The following TRMO variants were observed in gnomAD, a reference collection of about 807,000 sequenced individuals.
TRMO encodes tRNA (adenine(37)-N6)-methyltransferase.
A neutral mutation model predicts 37.2 loss-of-function variants in TRMO; 30 were observed. The ratio of observed to expected loss-of-function variants is 0.81; its 90% CI spans 0.60 to 1.09. The LOEUF (loss-of-function observed/expected upper bound fraction) is 1.09, where lower values mean the gene tolerates loss of function less well. Ranked by LOEUF, TRMO falls within the 50% of genes least tolerant of loss-of-function variation. TRMO has a pLI of 0.00. For missense variants in TRMO, 552 were observed against 549.5 expected, an observed-to-expected ratio of 1.00 and a Z score of -0.05; for synonymous variants, 239 against 199.4, an observed-to-expected ratio of 1.20 and a Z score of -1.67.
chr9:97,919,967 T>C (rs192578388), intron 1 of TRMO, among the ~76,000 whole-genome samples: 1 of 152,322 alleles, frequency 6.6e-6, no homozygotes, highest in Non-Finnish European at 1.5e-5. Flanking sequence ...TCCTAGTACG[T>C]CTGAACTCTT....
At chr9:97,913,634 GA>G (rs1212351011) in intron 2 of TRMO, 76 bp from the exon 3 acceptor site, 9 of 961,976 alleles carry the variant, frequency 9.4e-6, no homozygotes, top group African/African-American at 3.3e-5. Context: ...ATCTGATGGG[GA>G]AAAAAATGCA....
rs112551314 is a variant in TRMO, at chr9:97,916,472, T to C, written c.77-134A>G. On this transcript the variant is annotated intron_variant, in intron 1 of 4. Transcript: ENST00000375119. ...CGTGCAACTATAAAAATGATTTTTA[T>C]AGTATTCATGAATACGTATAAGTAT... The C allele has an allele frequency of 2.0e-3, 1,278 of 635,098 alleles. 8 individuals carry two copies. In the African/African-American group the frequency reaches 0.022, roughly 11 times the overall value. 39.3% of individuals were successfully genotyped at this position (635,098 alleles called of 1,614,324 possible). A position where few individuals can be genotyped will look rare whatever the true frequency, so the allele number is the denominator to read the frequency against.
Position 97,910,622 on chromosome 9 carries a change from A to G in TRMO, c.410-6T>C. 1 of 1,611,690 alleles carries G rather than the reference A, an allele frequency of 6.2e-7. No individual in the cohort carries two copies. The highest frequency in any genetic ancestry group is 1.3e-5 in the African/African-American group (1 of 74,956). ...AGAAAGGTATATAGCTCCACCTATG[A>G]CATAAAAACGTGAAAAATGAAGAAC... is the stretch of plus-strand genomic sequence containing the variant. On this transcript the variant is annotated splice_polypyrimidine_tract_variant and splice_region_variant and intron_variant, in intron 3 of 4. Coordinates refer to ENST00000375119, the MANE Select transcript of TRMO (RefSeq NM_016481.5).
chr9:97,901,073 T>A (rs1228320072), downstream of TRMO, among the ~76,000 whole-genome samples: 4 of 152,238 alleles, frequency 2.6e-5, no homozygotes, highest in Non-Finnish European at 5.9e-5. Flanking sequence ...AAGTTACTGT[T>A]CTTTAAAGCT....
At position 97,910,010 on chromosome 9, in the gene TRMO, A is replaced by G. The variant is rs1244854972; in HGVS notation, c.1016T>C (p.Val339Ala). Residue 339 changes from valine (V) to alanine (A), a missense_variant, in exon 4 of 5, where the codon GTG (valine) becomes GCG (alanine). Physicochemically the swap from Val to Ala is moderately conservative, Grantham distance 64. Coordinates refer to ENST00000375119, the MANE Select transcript of TRMO (RefSeq NM_016481.5). Reference sequence around the variant, plus strand: ...CATCTCGGCATGAGGAGTAAACCGCACTTCTAAAGTGGCCACAGGAGCCTC... The same window carrying G: ...CATCTCGGCATGAGGAGTAAACCGCGCTTCTAAAGTGGCCACAGGAGCCTC... ...VTEAPVATLE[V>A]RFTPHAEMDL... The G allele has an allele frequency of 1.3e-6, 2 of 1,591,056 alleles. No homozygotes were observed. The highest frequency in any genetic ancestry group is 1.8e-5 in the Admixed American group (1 of 56,218).
At chr9:97,909,836 C>T (rs911153808) in intron 4 of TRMO, 124 bp downstream of exon 4, 1 of 672,860 alleles carries the variant, frequency 1.5e-6, no homozygotes, top group Non-Finnish European at 2.5e-6. Flanking sequence ...TTATTTTATA[C>T]CTGTTTCCTA....
downstream of TRMO, among the ~76,000 whole-genome samples, chr9:97,899,494 AGTG>A (rs2131506203): frequency 6.6e-6 from 1 of 152,028 alleles, no homozygotes; most frequent in Non-Finnish European, 1.5e-5. Context: ...GCTGGAGTGC[AGTG>A]GCACAATCTC....
rs777289698 is a variant in TRMO at position 97,922,473 on chromosome 9, C to T, written c.21G>A (p.Ser7=). MRGLEE[S]GPRPTATPCG... is the part of the protein sequence containing the mutation. Reference sequence around the variant, plus strand: ...ACGGGGTCGCTGTAGGCCGAGGCCCCGACTCCTCCAAGCCGCGCATGGCTA... The same window carrying T: ...ACGGGGTCGCTGTAGGCCGAGGCCCTGACTCCTCCAAGCCGCGCATGGCTA... Residue 7 remains serine (S), a synonymous_variant, in exon 1 of 5, where the codon TCG becomes TCA. Coordinates refer to ENST00000375119, the MANE Select transcript of TRMO (RefSeq NM_016481.5). 5 of 1,584,926 alleles carry T rather than the reference C, an allele frequency of 3.2e-6. No individual in the cohort carries two copies. In the Admixed American group the frequency reaches 9.0e-5, roughly 29 times the overall value.
downstream of TRMO, among the ~76,000 whole-genome samples, chr9:97,903,511 G>T (rs1018129355): frequency 4.6e-5 from 7 of 152,178 alleles, no homozygotes; most frequent in African/African-American, 1.7e-4. Flanking sequence ...GTATCATGTT[G>T]ACAGGTGTCT....
chr9:97,916,139 T>C (rs770866225), intron 2 of TRMO, 25 bp downstream of exon 2: 40 of 1,556,308 alleles, frequency 2.6e-5, no homozygotes, highest in Non-Finnish European at 3.1e-5. Context: ...CCCAAAATCC[T>C]ACATCTAACT....
In TRMO at chr9:97,921,730, G is replaced by A. The variant is rs116923029; in HGVS notation, c.76+688C>T. On this transcript the variant is annotated intron_variant, in intron 1 of 4. Transcript: ENST00000375119. ...TGAGCCGCTGCGCCCGGCCCAAAGT[G>A]TTATAATTAACATTAACTGCCCTGT... is the stretch of plus-strand genomic sequence containing the variant. Among the ~76,000 whole-genome samples the A allele has an allele frequency of 2.5e-3, 373 of 152,156 alleles. 7 individuals carry two copies. In the East Asian group the frequency reaches 0.057, roughly 23 times the overall value.
chr9:97,904,514 C>T lies in TRMO; in HGVS notation c.*219G>A. 7.3e-7 allele frequency: 1 copy of T among 1,365,960 alleles called. No individual in the cohort carries two copies. The highest frequency in any genetic ancestry group is 1.8e-5 in the South Asian group (1 of 54,466). The allele number at this position is 1,365,960 out of a possible 1,614,324, so 84.6% of individuals were successfully genotyped here. ...TCACCTTTTGATTCTTTAATATCAA[C>T]AGATCAAAAAGCATTTGGTGATTTC... On this transcript the variant is annotated 3_prime_UTR_variant, in exon 5 of 5. Transcript: ENST00000375119.
At chr9:97,901,757 T>TAAA (rs11375112), downstream of TRMO, among the ~76,000 whole-genome samples, 7 of 144,576 alleles carry the variant, frequency 4.8e-5, no homozygotes, top group Non-Finnish European at 6.1e-5. Flanking sequence ...TCTCAAAGGC[T>TAAA]AAAAAAAAAA....
chr9:97,904,785 T>G lies in TRMO; in HGVS notation c.1274A>C (p.Glu425Ala). The G allele has an allele frequency of 3.7e-6, 6 of 1,614,032 alleles. No homozygotes were observed. The highest frequency in any genetic ancestry group is 5.1e-6 in the Non-Finnish European group (6 of 1,180,018). Residue 425 changes from glutamate (E) to alanine (A), a missense_variant, in exon 5 of 5, where the codon GAG becomes GCG. Physicochemically the swap from Glu to Ala is moderately radical, Grantham distance 107 (BLOSUM62 -1). Coordinates refer to ENST00000375119, the MANE Select transcript of TRMO (RefSeq NM_016481.5). ...AEVLRIKPAS[E>A]PVHMTGPVGS... ...CACAGGGCCAGTCATATGAACAGGC[T>G]CAGAAGCCGGCTTGATCCTCAGCAC...
At chr9:97,919,098 A>G (rs549092889) in intron 1 of TRMO, among the ~76,000 whole-genome samples, 30 of 152,334 alleles carry the variant, frequency 2.0e-4, no homozygotes, top group African/African-American at 6.7e-4. Context: ...GTATGTTTAC[A>G]GGCATTGTTT....
chr9:97,920,315 A>C (rs1826567427), intron 1 of TRMO, among the ~76,000 whole-genome samples: 1 of 152,244 alleles, frequency 6.6e-6, no homozygotes, highest in Non-Finnish European at 1.5e-5. Context: ...AAAAACCAGC[A>C]CAAGAACCTC....
chr9:97,906,676 T>TA (rs1825865724), intron 4 of TRMO, among the ~76,000 whole-genome samples: 1 of 151,774 alleles, frequency 6.6e-6, no homozygotes, highest in South Asian at 2.1e-4. Context: ...CACTGCAGTT[T>TA]AAAAAACAAA....
At chr9:97,922,321 G>C (rs915273506) in intron 1 of TRMO, 97 bp downstream of exon 1, 2 of 810,700 alleles carry the variant, frequency 2.5e-6, no homozygotes, top group South Asian at 1.6e-5. Context: ...ACGCACGTCA[G>C]TTCCAGATCG....
intron 2 of TRMO, chr9:97,913,857 G>C: frequency 3.5e-6 from 1 of 283,172 alleles, no homozygotes; most frequent in Non-Finnish European, 6.7e-6. Flanking sequence ...TCTGCTGTTT[G>C]CCAGGTAGTA....
Sources: allele counts gnomAD v4.1 joint callset (sites outside exome capture counted in the v4.1 genomes callset), GRCh38; gene constraint gnomAD v4.1.1; transcripts MANE v1.5; gene names NCBI Gene and HGNC (gene_info 2026-07-23, HGNC 2026-07-21).